Variants in DLG2 observed in about 807,000 individuals in gnomAD.
DLG2 encodes the protein discs large MAGUK scaffold protein 2, also known as disks large homolog 2.
Under a neutral mutation model 132.5 loss-of-function variants are expected in DLG2, and 45 were observed. The ratio of observed to expected loss-of-function variants is 0.34; its 90% confidence interval spans 0.27 to 0.44. The LOEUF is 0.44. Ranked by LOEUF, DLG2 falls within the 20% of genes least tolerant of loss-of-function variation. The pLI is 1.00. For synonymous variants in DLG2, 424 were observed against 419.6 expected (o/e 1.01, Z -0.13); for missense variants, 1,045 against 1,196.9 (o/e 0.87, Z 1.87).
At chr11:84,707,408 A>T (rs1199198572) in intron 6 of DLG2, among the ~76,000 whole-genome samples, 4 of 151,846 alleles carry the variant, frequency 2.6e-5, no homozygotes, top group Non-Finnish European at 5.9e-5. Flanking sequence ...TTGACACTAA[A>T]AGTGTAAATA....
At chr11:83,963,248 C>T (rs2089322700) in intron 13 of DLG2, among the ~76,000 whole-genome samples, 2 of 151,856 alleles carry the variant, frequency 1.3e-5, no homozygotes, top group Non-Finnish European at 2.9e-5. Context: ...GTCTGTAATG[C>T]CAGTTAGTCT....
intron 7 of DLG2, among the ~76,000 whole-genome samples, chr11:84,352,748 G>A (rs2098586349): frequency 6.6e-6 from 1 of 152,192 alleles, no homozygotes; most frequent in African/African-American, 2.4e-5. Flanking sequence ...GGGGTAATAT[G>A]CCACCTGGCA....
intron 9 of DLG2, among the ~76,000 whole-genome samples, chr11:84,125,985 T>C (rs1373972117): frequency 1.3e-5 from 2 of 152,220 alleles, no homozygotes; most frequent in Admixed American, 1.3e-4. Flanking sequence ...CTTTCTTTTT[T>C]TAATAAAGAG....
At chr11:84,446,378 A>T (rs2099034975) in intron 7 of DLG2, among the ~76,000 whole-genome samples, 1 of 151,958 alleles carries the variant, frequency 6.6e-6, no homozygotes, top group African/African-American at 2.4e-5. Context: ...CACTGGTTTC[A>T]CTCATGGTGA....
intron 15 of DLG2, among the ~76,000 whole-genome samples, chr11:83,920,546 T>C (rs1205302815): frequency 6.6e-6 from 1 of 152,108 alleles, no homozygotes; most frequent in African/African-American, 2.4e-5. Context: ...TAACAGTCTT[T>C]TGAAAAAAAA....
At chr11:84,423,385 G>A (rs1169891322) in intron 7 of DLG2, among the ~76,000 whole-genome samples, 1 of 152,066 alleles carries the variant, frequency 6.6e-6, no homozygotes, top group African/African-American at 2.4e-5. Flanking sequence ...TCCATGTCAT[G>A]CCTGGCACTT....
intron 14 of DLG2, among the ~76,000 whole-genome samples, chr11:83,931,218 C>A (rs1472954578): frequency 1.3e-5 from 2 of 152,134 alleles, no homozygotes; most frequent in Admixed American, 6.5e-5. Flanking sequence ...ATGTTATTTT[C>A]TTTCCATATA....
chr11:83,674,122 A>T (rs1248068270), intron 18 of DLG2, among the ~76,000 whole-genome samples: 1 of 152,216 alleles, frequency 6.6e-6, no homozygotes, highest in Non-Finnish European at 1.5e-5. Flanking sequence ...AAATATTTAC[A>T]ACTAGCTGTG....
At chr11:84,825,371 G>C (rs2078209789) in intron 6 of DLG2, among the ~76,000 whole-genome samples, 1 of 151,904 alleles carries the variant, frequency 6.6e-6, no homozygotes, top group Admixed American at 6.6e-5. Context: ...AGAGGCTTCT[G>C]CAAGTCATGA....
chr11:83,923,005 G>A (rs915186314), intron 15 of DLG2, among the ~76,000 whole-genome samples: 4 of 152,018 alleles, frequency 2.6e-5, no homozygotes, highest in Non-Finnish European at 4.4e-5. Flanking sequence ...GACACATGCT[G>A]CCATTTACAG....
chr11:85,403,498 T>A (rs866909569), intron 3 of DLG2, among the ~76,000 whole-genome samples: 2 of 151,246 alleles, frequency 1.3e-5, no homozygotes, highest in South Asian at 2.1e-4. Context: ...ATAAAAAAAA[T>A]TAAATTTAAA....
intron 6 of DLG2, among the ~76,000 whole-genome samples, chr11:84,924,333 A>AG (rs1161864591): frequency 4.6e-5 from 7 of 152,150 alleles, no homozygotes; most frequent in Non-Finnish European, 1.0e-4. Context: ...AAATAGTGGG[A>AG]GGAAAAAAAG....
At chr11:84,095,814 G>A (rs1024388268) in intron 10 of DLG2, among the ~76,000 whole-genome samples, 7 of 152,126 alleles carry the variant, frequency 4.6e-5, no homozygotes, top group African/African-American at 1.7e-4. Flanking sequence ...GGGAGAAGGT[G>A]AATTTTGCTG....
At chr11:84,221,929 ATGT>A (rs994551556) in intron 8 of DLG2, among the ~76,000 whole-genome samples, 1 of 152,138 alleles carries the variant, frequency 6.6e-6, no homozygotes, top group African/African-American at 2.4e-5. Flanking sequence ...TATAGATATT[ATGT>A]TATTAGATAA....
rs78402725 is a variant in DLG2 at position 83,664,013 on chromosome 11, G to A, written c.1826-30688C>T. 6.7e-3 allele frequency among the ~76,000 whole-genome samples: 1,013 copies of A among 152,302 alleles called. 9 individuals carry two copies. Among genetic ancestry groups the A allele is most frequent in the African/African-American group, 0.023 (963 of 41,542 alleles). On this transcript the variant is annotated intron_variant, in intron 18 of 27. Coordinates refer to ENST00000376104, the MANE Select transcript of DLG2 (RefSeq NM_001142699.3). ...TTACTAGACGTGAAACATTGGGCGA[G>A]CTGTTTCTGTGACCTGTTTTTTCAT...
chr11:84,817,783 C>T (rs2077230938), intron 6 of DLG2, among the ~76,000 whole-genome samples: 1 of 152,076 alleles, frequency 6.6e-6, no homozygotes, highest in Admixed American at 6.6e-5. Flanking sequence ...AAATCATCTC[C>T]TGCTTAGATG....
At chr11:83,579,042 T>C (rs1303034479) in intron 19 of DLG2, among the ~76,000 whole-genome samples, 1 of 152,230 alleles carries the variant, frequency 6.6e-6, no homozygotes, top group Non-Finnish European at 1.5e-5. Context: ...TATGTGGCTC[T>C]GGGCTTCTTT....
chr11:83,603,049 T>A (rs993749903), intron 19 of DLG2, among the ~76,000 whole-genome samples: 2 of 151,830 alleles, frequency 1.3e-5, no homozygotes, highest in African/African-American at 4.9e-5. Context: ...TGTGCATGTG[T>A]GTGTATGTGT....
At chr11:84,060,523 C>T (rs1228911065) in intron 10 of DLG2, among the ~76,000 whole-genome samples, 2 of 108,526 alleles carry the variant, frequency 1.8e-5, no homozygotes, top group African/African-American at 6.3e-5. Flanking sequence ...ACAAATTCTA[C>T]ATCAAACTTT....
Sources: allele counts gnomAD v4.1 joint callset (sites outside exome capture counted in the v4.1 genomes callset), GRCh38; gene constraint gnomAD v4.1.1; transcripts MANE v1.5; gene names NCBI Gene and HGNC (gene_info 2026-07-23, HGNC 2026-07-21).